The following TTC28 variants were observed in gnomAD, a reference collection of about 807,000 sequenced individuals.
The protein encoded by TTC28 is tetratricopeptide repeat domain 28.
TTC28 carries 61 observed loss-of-function variants against 198.0 expected under a neutral mutation model. The ratio of observed to expected loss-of-function variants is 0.31; its 90% CI spans 0.25 to 0.38. The LOEUF (loss-of-function observed/expected upper bound fraction) is 0.38, where lower values mean the gene tolerates loss of function less well. Ranked by LOEUF, TTC28 falls within the 10% of genes least tolerant of loss-of-function variation. TTC28 has a pLI of 1.00. For missense variants in TTC28, 2,678 were observed against 3,164.0 expected (o/e 0.85, Z 3.69); for synonymous variants, 1,171 against 1,297.8 (o/e 0.90, Z 2.10).
At chr22:28,212,159 C>T (rs529795424) in intron 5 of TTC28, among the ~76,000 whole-genome samples, 1 of 151,824 alleles carries the variant, frequency 6.6e-6, no homozygotes, top group Non-Finnish European at 1.5e-5. Flanking sequence ...CACTAAATGC[C>T]CACAAGAGAA....
chr22:28,194,582 A>G (rs1367764789), intron 5 of TTC28, among the ~76,000 whole-genome samples: 1 of 152,036 alleles, frequency 6.6e-6, no homozygotes. Flanking sequence ...TAGATGCAAT[A>G]AAAAAATGAT....
chr22:28,509,204 A>AT (rs1351448198), intron 2 of TTC28, among the ~76,000 whole-genome samples: 1 of 152,010 alleles, frequency 6.6e-6, no homozygotes, highest in Non-Finnish European at 1.5e-5. Flanking sequence ...AAAAAAAAAA[A>AT]AAAATACTCT....
intron 2 of TTC28, among the ~76,000 whole-genome samples, chr22:28,450,083 T>G (rs2047757945): frequency 6.6e-6 from 1 of 152,106 alleles, no homozygotes; most frequent in South Asian, 2.1e-4. Flanking sequence ...TGATTACAGT[T>G]AAGGATATAT....
At chr22:28,593,811 C>T (rs1601603247) in intron 2 of TTC28, among the ~76,000 whole-genome samples, 1 of 152,038 alleles carries the variant, frequency 6.6e-6, no homozygotes, top group Non-Finnish European at 1.5e-5. Context: ...CACACAGACC[C>T]AGAGGATTTT....
At chr22:28,303,153 C>A (rs2045061799) in intron 3 of TTC28, among the ~76,000 whole-genome samples, 1 of 152,150 alleles carries the variant, frequency 6.6e-6, no homozygotes, top group African/African-American at 2.4e-5. Flanking sequence ...GCGGCCCTAG[C>A]ATCTTTAGAG....
At chr22:28,409,524 G>A (rs1040837636) in intron 2 of TTC28, among the ~76,000 whole-genome samples, 24 of 150,168 alleles carry the variant, frequency 1.6e-4, no homozygotes, top group Admixed American at 2.7e-4. Context: ...ATGTACACAC[G>A]TTAATATATA....
intron 2 of TTC28, among the ~76,000 whole-genome samples, chr22:28,372,027 G>T (rs2046345906): frequency 6.6e-6 from 1 of 151,990 alleles, no homozygotes; most frequent in Admixed American, 6.5e-5. Flanking sequence ...GTTTCAGGCT[G>T]CAGTGTGCTG....
intron 1 of TTC28, among the ~76,000 whole-genome samples, chr22:28,650,194 T>C (rs1332892693): frequency 6.6e-6 from 1 of 152,178 alleles, no homozygotes; most frequent in African/African-American, 2.4e-5. Flanking sequence ...TCAGGAATGC[T>C]GAAATGAATT....
At chr22:27,991,422 A>G (rs1185256097) in intron 19 of TTC28, among the ~76,000 whole-genome samples, 1 of 152,184 alleles carries the variant, frequency 6.6e-6, no homozygotes, top group Non-Finnish European at 1.5e-5. Context: ...GCAGGCGTTA[A>G]TACACTTATT....
At chr22:28,146,343 A>C (rs1349624376) in intron 6 of TTC28, among the ~76,000 whole-genome samples, 1 of 152,254 alleles carries the variant, frequency 6.6e-6, no homozygotes, top group East Asian at 1.9e-4. Flanking sequence ...GATTTAGCAC[A>C]TAGGTGCTTC....
rs190305435 is a variant in TTC28 at position 28,001,470 on chromosome 22, G to A, written c.4302C>T (p.Phe1434=). 832 of 1,551,616 alleles carry A rather than the reference G, an allele frequency of 5.4e-4. 2 individuals carry two copies. Among genetic ancestry groups the A allele is most frequent in the African/African-American group, 1.6e-4 (12 of 73,198 alleles). Residue 1434 remains phenylalanine (F), a synonymous_variant, in exon 15 of 23, where the codon TTC becomes TTT. Transcript: ENST00000397906. ...TGGAGGAGCTTCCCTTCAGGAGGGC[G>A]AAAGGAATGAGGTAGAGCTCCCCCT... ...VLEGELYLIP[F]ALLKGSSSNE... is the part of the protein sequence containing the mutation.
intron 2 of TTC28, among the ~76,000 whole-genome samples, chr22:28,341,073 A>T (rs1264026400): frequency 6.6e-6 from 1 of 152,250 alleles, no homozygotes; most frequent in Non-Finnish European, 1.5e-5. Flanking sequence ...ACAATGCCAA[A>T]GATGACTAAT....
intron 2 of TTC28, among the ~76,000 whole-genome samples, chr22:28,518,902 A>C (rs1220015133): frequency 6.6e-6 from 1 of 152,256 alleles, no homozygotes; most frequent in Non-Finnish European, 1.5e-5. Context: ...ACTATAGTAT[A>C]GTACATAGAA....
chr22:28,392,846 T>C lies in TTC28; in HGVS notation c.382-86203A>G, dbSNP rs568550277. Reference sequence around the variant, plus strand: ...GAGCTGTAGACCGGAGCTGCTCCTATTCGGCCATCTTGGTTCCTCCCTCCT... The same window carrying C: ...GAGCTGTAGACCGGAGCTGCTCCTACTCGGCCATCTTGGTTCCTCCCTCCT... On this transcript the variant is annotated intron_variant, in intron 2 of 22. Coordinates refer to ENST00000397906, the MANE Select transcript of TTC28 (RefSeq NM_001145418.2). 2.7e-5 allele frequency among the ~76,000 whole-genome samples: 4 copies of C among 149,556 alleles called. No individual in the cohort carries two copies. In the East Asian group the frequency reaches 5.9e-4, roughly 22 times the overall value.
intron 2 of TTC28, among the ~76,000 whole-genome samples, chr22:28,467,898 A>G (rs992771465): frequency 5.9e-5 from 9 of 151,618 alleles, no homozygotes; most frequent in Admixed American, 3.3e-4. Context: ...TGTAGCTGGG[A>G]CCACAGGCGC....
At chr22:28,135,115 T>G (rs59846801) in intron 6 of TTC28, among the ~76,000 whole-genome samples, 1 of 152,162 alleles carries the variant, frequency 6.6e-6, no homozygotes, top group Non-Finnish European at 1.5e-5. Flanking sequence ...TTTTGGATCT[T>G]ACTTGAATGT....
At chr22:28,004,102 G>A (rs970507008) in intron 14 of TTC28, among the ~76,000 whole-genome samples, 3 of 152,222 alleles carry the variant, frequency 2.0e-5, no homozygotes, top group Non-Finnish European at 2.9e-5. Flanking sequence ...GCCCCAGAAC[G>A]GGGAAAGCCT....
intron 12 of TTC28, among the ~76,000 whole-genome samples, chr22:28,089,385 A>G (rs1941734611): frequency 6.6e-6 from 1 of 151,894 alleles, no homozygotes; most frequent in African/African-American, 2.4e-5. Flanking sequence ...GAAATTGGAA[A>G]TCATCATTCT....
intron 2 of TTC28, among the ~76,000 whole-genome samples, chr22:28,592,004 G>A (rs931379650): frequency 7.2e-5 from 11 of 152,108 alleles, no homozygotes; most frequent in East Asian, 1.9e-4. Context: ...TCATGCGGCC[G>A]TCCAAGGGGC....
Sources: gnomAD v4.1 joint callset for allele counts (sites outside exome capture counted in the v4.1 genomes callset) on GRCh38, gnomAD v4.1.1 for gene constraint, MANE v1.5 for transcripts, NCBI Gene and HGNC (gene_info 2026-07-23, HGNC 2026-07-21) for gene names.